Variants in MYH9 observed in about 807,000 individuals in gnomAD.
MYH9 encodes myosin heavy chain 9.
MYH9 carries 29 observed loss-of-function variants against 241.9 expected under a neutral mutation model. The observed-to-expected ratio is 0.12, with a 90% CI of 0.09 to 0.16. The LOEUF is 0.16. Among genes scored for constraint, MYH9 ranks in the 10% least tolerant of loss-of-function variants. The pLI is 1.00. For missense variants in MYH9, 1,803 were observed against 2,595.5 expected (o/e 0.69, Z 6.63); for synonymous variants, 1,047 against 1,062.6 (o/e 0.99, Z 0.29).
rs376821029 is a variant in MYH9 at position 36,341,125 on chromosome 22, T to C, written c.490+245A>G. 2.6e-5 allele frequency among the ~76,000 whole-genome samples: 4 copies of C among 152,064 alleles called. No individual in the cohort carries two copies. In the East Asian group the frequency reaches 7.7e-4, roughly 29 times the overall value. On this transcript the variant is annotated intron_variant, in intron 3 of 40. Transcript: ENST00000216181. ...AAGAGCTCTTGAAAAGTATGAGAAA[T>C]TGAGAGAAAGATTAGGAAATGTATA...
chr22:36,284,657 C>G (rs944758027), intron 38 of MYH9, 146 bp from the exon 39 acceptor site: 1 of 776,020 alleles, frequency 1.3e-6, no homozygotes, highest in Admixed American at 2.0e-5. Context: ...CTATGTGTAC[C>G]CGGCTTCTTA....
intron 21 of MYH9, among the ~76,000 whole-genome samples, 182 bp downstream of exon 21, chr22:36,301,352 C>T (rs1000390224): frequency 3.3e-5 from 5 of 152,256 alleles, no homozygotes; most frequent in African/African-American, 9.6e-5. Context: ...GGCCTCCCTA[C>T]ATCACTTAAC....
intron 1 of MYH9, among the ~76,000 whole-genome samples, chr22:36,352,624 G>A (rs114577141): frequency 0.011 from 1,639 of 152,270 alleles, 32 homozygotes; most frequent in African/African-American, 0.037. Flanking sequence ...CACCCTGTCC[G>A]ACTTTCAGGC....
intron 1 of MYH9, among the ~76,000 whole-genome samples, chr22:36,371,677 C>T (rs1018676328): frequency 6.6e-6 from 1 of 152,172 alleles, no homozygotes; most frequent in Non-Finnish European, 1.5e-5. Flanking sequence ...GCTGGGATTA[C>T]AGGTGCCCAC....
Position 36,322,435 on chromosome 22 carries a change from G to A in MYH9, c.699C>T (p.Ser233=), listed in dbSNP as rs1366138298. 6.2e-7 allele frequency: 1 copy of A among 1,613,910 alleles called. No homozygotes were observed. Among genetic ancestry groups the A allele is most frequent in the African/African-American group, 1.3e-5 (1 of 75,074 alleles). ...NAKTVKNDNS[S]RFGKFIRINF... ...GCGCCGCCGCGCTACTCACGAAGCG[G>A]GAGGAGTTGTCATTCTTCACGGTCT... is the stretch of plus-strand genomic sequence containing the variant. The change falls in exon 6 of 41, where the codon TCC becomes TCT. Residue 233 remains serine (S), a synonymous_variant. Transcript: ENST00000216181.
intron 9 of MYH9, 171 bp from the exon 10 acceptor site, chr22:36,319,806 C>A: frequency 1.4e-6 from 1 of 708,692 alleles, no homozygotes; most frequent in Non-Finnish European, 2.5e-6. Context: ...TGCGGTGGGC[C>A]CAGCCACCCT....
chr22:36,384,233 T>C (rs997200805), intron 1 of MYH9, among the ~76,000 whole-genome samples: 3 of 151,354 alleles, frequency 2.0e-5, no homozygotes, highest in Non-Finnish European at 4.4e-5. Flanking sequence ...ATTGTGCCAC[T>C]GCACTCTAGC....
intron 11 of MYH9, among the ~76,000 whole-genome samples, chr22:36,317,238 C>T (rs1389437578): frequency 2.6e-5 from 4 of 152,164 alleles, no homozygotes; most frequent in Non-Finnish European, 5.9e-5. Context: ...TACACTCTCC[C>T]CTCTTCTTTG....
chr22:36,316,766 C>G, intron 11 of MYH9, 97 bp from the exon 12 acceptor site: 2 of 1,397,194 alleles, frequency 1.4e-6, no homozygotes, highest in South Asian at 2.4e-5. Context: ...AGTCCTCCCC[C>G]TAGAGGAACA....
intron 1 of MYH9, among the ~76,000 whole-genome samples, chr22:36,363,490 G>A (rs970107108): frequency 1.2e-4 from 19 of 152,210 alleles, no homozygotes; most frequent in Non-Finnish European, 2.2e-4. Flanking sequence ...GAAGGAAGGA[G>A]AGGAGGAAAC....
chr22:36,385,547 A>T (rs1168058123), intron 1 of MYH9, among the ~76,000 whole-genome samples: 2 of 152,044 alleles, frequency 1.3e-5, no homozygotes, highest in Non-Finnish European at 2.9e-5. Flanking sequence ...CCCATCTCCA[A>T]CCCCTTAGGT....
intron 2 of MYH9, among the ~76,000 whole-genome samples, chr22:36,346,018 G>T (rs2146389408): frequency 6.6e-6 from 1 of 152,250 alleles, no homozygotes; most frequent in South Asian, 2.1e-4. Flanking sequence ...ATGCTGGTGG[G>T]CACCTGTAGT....
In MYH9 at chr22:36,348,880, C is replaced by A. The variant is rs143755451; in HGVS notation, c.333+24G>T. On this transcript the variant is annotated intron_variant, in intron 2 of 40. Coordinates refer to ENST00000216181, the MANE Select transcript of MYH9 (RefSeq NM_002473.6). ...CCTCGGAGCCCTCAGACCCAGCCTG[C>A]GGGGTGCCACGGCAGCCACTTACGT... The A allele has an allele frequency of 7.4e-5, 110 of 1,478,530 alleles. No homozygotes were observed. The African/African-American group carries it at 1.3e-3, about 17-fold the overall frequency. 91.6% of individuals were successfully genotyped at this position (1,478,530 alleles called of 1,614,324 possible).
chr22:36,341,640 G>T, intron 2 of MYH9, 114 bp from the exon 3 acceptor site: 2 of 1,219,372 alleles, frequency 1.6e-6, no homozygotes, highest in Non-Finnish European at 2.3e-6. Context: ...AGCCTGATGT[G>T]AAGGCACTCC....
chr22:36,333,326 G>T (rs1056937642), intron 3 of MYH9, among the ~76,000 whole-genome samples: 1 of 152,148 alleles, frequency 6.6e-6, no homozygotes, highest in Non-Finnish European at 1.5e-5. Flanking sequence ...AAGGCATGTC[G>T]GTGACTGTTA....
chr22:36,302,696 G>A lies in MYH9; in HGVS notation c.2391-20C>T. 2 of 1,606,712 alleles carry A rather than the reference G, an allele frequency of 1.2e-6. No individual in the cohort carries two copies. Among genetic ancestry groups the A allele is most frequent in the Non-Finnish European group, 1.7e-6 (2 of 1,174,260 alleles). On this transcript the variant is annotated intron_variant, in intron 19 of 40. Transcript: ENST00000216181. ...AATGCTCTGTGTGGTGAGGAACATG[G>A]TCAGCGCGGAGCAGTGGACAGCAGA...
rs574171676 is a variant in MYH9 at position 36,321,899 on chromosome 22, C to A, written c.706-78G>T. 2.4e-6 allele frequency: 3 copies of A among 1,247,800 alleles called. No homozygotes were observed. The East Asian group carries it at 7.0e-5, about 29-fold the overall frequency. 77.3% of individuals were successfully genotyped at this position (1,247,800 alleles called of 1,614,324 possible). A position where few individuals can be genotyped will look rare whatever the true frequency, so the allele number is the denominator to read the frequency against. ...AGAGAGCACGGGGGAGACCACAGCCCCCCGCCCCACCTCCGGTGGGCACAG... is the reference window on the plus strand; with the variant it reads ...AGAGAGCACGGGGGAGACCACAGCCACCCGCCCCACCTCCGGTGGGCACAG... On this transcript the variant is annotated intron_variant, in intron 6 of 40. Coordinates refer to ENST00000216181, the MANE Select transcript of MYH9 (RefSeq NM_002473.6).
At chr22:36,322,308 T>A in intron 6 of MYH9, 121 bp downstream of exon 6, 1 of 1,093,626 alleles carries the variant, frequency 9.1e-7, no homozygotes, top group Non-Finnish European at 1.4e-6. Context: ...ACAGGCCAGA[T>A]AGCACCGAGT....
rs554016537 is a variant in MYH9, at chr22:36,364,484, G to C, written c.-19-15229C>G. Among the ~76,000 whole-genome samples the C allele has an allele frequency of 3.3e-5, 5 of 152,228 alleles. No homozygotes were observed. In the South Asian group the frequency reaches 1.0e-3, roughly 32 times the overall value. ...ATCTTCTATCTTATTGTCCAAATAA[G>C]TCCACATGACTATGGTGTGGCTCAT... On this transcript the variant is annotated intron_variant, in intron 1 of 40. Coordinates refer to ENST00000216181, the MANE Select transcript of MYH9 (RefSeq NM_002473.6).
Sources: allele counts gnomAD v4.1 joint callset (sites outside exome capture counted in the v4.1 genomes callset), GRCh38; gene constraint gnomAD v4.1.1; transcripts MANE v1.5; gene names NCBI Gene and HGNC (gene_info 2026-07-23, HGNC 2026-07-21).